TRIQK: variants seen among roughly 807,000 people sequenced by gnomAD.
TRIQK encodes triple QxxK/R motif containing, also known as triple QxxK/R motif-containing protein.
A neutral mutation model predicts 10.8 loss-of-function variants in TRIQK; 10 were observed. The observed-to-expected ratio is 0.92, with a 90% CI of 0.57 to 1.57. The LOEUF (loss-of-function observed/expected upper bound fraction) is 1.57, where lower values mean the gene tolerates loss of function less well. Ranked by LOEUF, TRIQK falls within the 40% of genes most tolerant of loss-of-function variation. The probability of loss-of-function intolerance (pLI) is 0.00; values close to 1 mark genes in which losing one functional copy is unlikely to be tolerated. For synonymous variants in TRIQK, 33 were observed against 33.7 expected (o/e 0.98, Z 0.07); for missense variants, 107 against 97.7 (o/e 1.09, Z -0.40).
At chr8:92,960,601 C>A (rs1024988328) in intron 1 of TRIQK, 1 of 152,120 alleles carries the variant, frequency 6.6e-6, no homozygotes, top group East Asian at 1.9e-4. Flanking sequence ...AAGTAGATAA[C>A]CCTTCCAGAT....
chr8:92,900,281 G>A (rs1808856043), intron 3 of TRIQK, among the ~76,000 whole-genome samples: 1 of 151,974 alleles, frequency 6.6e-6, no homozygotes, highest in African/African-American at 2.4e-5. Flanking sequence ...TTTTTGCTTT[G>A]GTTGTCTGAG....
intron 2 of TRIQK, chr8:92,922,214 C>T (rs1810227607): frequency 6.6e-6 from 1 of 151,680 alleles, no homozygotes; most frequent in African/African-American, 2.4e-5. Flanking sequence ...AAAAATAATT[C>T]TGTCAAGACA....
In TRIQK at chr8:93,002,131, A is replaced by G. The variant is rs185453612; in HGVS notation, c.-181+15478T>C. Among the ~76,000 whole-genome samples, 32 of 152,348 alleles carry G rather than the reference A, an allele frequency of 2.1e-4. No homozygotes were observed. In the East Asian group the frequency reaches 4.6e-3, roughly 22 times the overall value. ...CACAGAATACCACAAAAGCAGTTAT[A>G]TGAAGAAAGTTTCCAGCAATAAATA... On this transcript the variant is annotated intron_variant, in intron 1 of 4. Transcript: ENST00000520686.
rs576475289 is a variant in TRIQK at position 92,954,474 on chromosome 8, A to C, written c.-90T>G. ...GCTGCCAAGGGGTAAGATGTTTCCA[A>C]AGCCAAGGTCTTTAGTTAGGTAGCA... On this transcript the variant is annotated 5_prime_UTR_variant, in exon 2 of 5. Coordinates refer to ENST00000521988, the MANE Select transcript of TRIQK (RefSeq NM_001171797.2). 3 of 152,046 alleles carry C rather than the reference A, an allele frequency of 2.0e-5. No homozygotes were observed. In the South Asian group the frequency reaches 6.2e-4, roughly 31 times the overall value. The allele number at this position is 152,046 out of a possible 1,614,324, so 9.4% of individuals were successfully genotyped here.
intron 2 of TRIQK, among the ~76,000 whole-genome samples, chr8:92,925,431 C>T (rs1289565177): frequency 6.6e-6 from 1 of 151,820 alleles, no homozygotes; most frequent in Non-Finnish European, 1.5e-5. Flanking sequence ...TATCAAGACA[C>T]CAATAAGAAA....
chr8:92,995,726 T>C (rs1813146581), intron 1 of TRIQK, among the ~76,000 whole-genome samples: 1 of 152,064 alleles, frequency 6.6e-6, no homozygotes, highest in Admixed American at 6.6e-5. Flanking sequence ...TGACTCTACT[T>C]AAAGGGACTT....
At chr8:92,990,286 T>C (rs1294995120) in intron 1 of TRIQK, among the ~76,000 whole-genome samples, 1 of 152,236 alleles carries the variant, frequency 6.6e-6, no homozygotes, top group African/African-American at 2.4e-5. Context: ...CATCTGCTTT[T>C]CTAAGAATTC....
rs1255564253 is a variant in TRIQK at position 92,949,796 on chromosome 8, AAGAAAG to A, written c.-22+4604_-22+4609del. Among the ~76,000 whole-genome samples the A allele has an allele frequency of 5.4e-3, 479 of 88,814 alleles. 7 individuals carry two copies. The highest frequency in any genetic ancestry group is 0.018 in the South Asian group (52 of 2,846). 58.3% of individuals were successfully genotyped at this position (88,814 alleles called of 152,430 possible). ...GGAAAGAAAGAAAAAGAAAGAAAGA[AAGAAAG>A]AAAGAAAGAAAGAAAGAAAGAAAGA... On this transcript the variant is annotated intron_variant, in intron 2 of 4. Coordinates refer to ENST00000521988, the MANE Select transcript of TRIQK (RefSeq NM_001171797.2).
upstream of TRIQK, among the ~76,000 whole-genome samples, chr8:92,967,408 TAC>T (rs1295701961): frequency 2.6e-5 from 4 of 152,216 alleles, no homozygotes; most frequent in Non-Finnish European, 4.4e-5. Flanking sequence ...CAAATAATTT[TAC>T]ACTCTTGACC....
At chr8:92,905,154 GA>G (rs955550966) in intron 3 of TRIQK, among the ~76,000 whole-genome samples, 73 of 150,124 alleles carry the variant, frequency 4.9e-4, no homozygotes, top group Non-Finnish European at 8.2e-4. Context: ...AGCATTCATA[GA>G]AAAAAAAACT....
At chr8:92,981,069 C>G (rs1812981237) in intron 1 of TRIQK, among the ~76,000 whole-genome samples, 1 of 151,592 alleles carries the variant, frequency 6.6e-6, no homozygotes, top group Non-Finnish European at 1.5e-5. Context: ...TTGAAAATAG[C>G]TTATAATTAA....
At chr8:92,904,654 T>C (rs1242611328) in intron 3 of TRIQK, among the ~76,000 whole-genome samples, 6 of 152,174 alleles carry the variant, frequency 3.9e-5, no homozygotes, top group Non-Finnish European at 8.8e-5. Context: ...GACAGCAGTA[T>C]ACTTACAGTC....
chr8:92,918,533 T>C (rs1809988367), intron 2 of TRIQK, among the ~76,000 whole-genome samples: 1 of 152,088 alleles, frequency 6.6e-6, no homozygotes, highest in Non-Finnish European at 1.5e-5. Context: ...TTTTGAAAAA[T>C]GTCTATTCAG....
At chr8:92,975,079 C>T (rs1193076099) in intron 1 of TRIQK, among the ~76,000 whole-genome samples, 3 of 152,170 alleles carry the variant, frequency 2.0e-5, no homozygotes, top group Non-Finnish European at 4.4e-5. Flanking sequence ...TTCCAAGGAA[C>T]TCCCACAATC....
intron 3 of TRIQK, among the ~76,000 whole-genome samples, chr8:92,899,198 G>A (rs891253124): frequency 2.6e-5 from 4 of 151,588 alleles, no homozygotes; most frequent in African/African-American, 9.7e-5. Context: ...TAGCCAGGAT[G>A]GTCTCAATCT....
chr8:92,977,392 C>T (rs551842049), intron 1 of TRIQK, among the ~76,000 whole-genome samples: 2 of 151,802 alleles, frequency 1.3e-5, no homozygotes, highest in South Asian at 2.1e-4. Context: ...AATTTCAAAT[C>T]GATTTTTTTG....
intron 1 of TRIQK, among the ~76,000 whole-genome samples, chr8:92,960,194 CTATT>C (rs1266464175): frequency 6.6e-6 from 1 of 152,034 alleles, no homozygotes; most frequent in Non-Finnish European, 1.5e-5. Flanking sequence ...TCAGGAACAA[CTATT>C]TGTCTATCTA....
intron 1 of TRIQK, among the ~76,000 whole-genome samples, chr8:92,975,039 G>A (rs973782102): frequency 4.6e-5 from 7 of 152,154 alleles, no homozygotes; most frequent in Non-Finnish European, 7.3e-5. Context: ...GGCAGGCCTG[G>A]CTCTCAGGGA....
intron 3 of TRIQK, among the ~76,000 whole-genome samples, chr8:92,911,637 C>G (rs1423991076): frequency 6.6e-6 from 1 of 151,142 alleles, no homozygotes; most frequent in Non-Finnish European, 1.5e-5. Flanking sequence ...ATACTTATAT[C>G]TGACTAAGTA....
Sources: allele counts gnomAD v4.1 joint callset (sites outside exome capture counted in the v4.1 genomes callset), GRCh38; gene constraint gnomAD v4.1.1; transcripts MANE v1.5; gene names NCBI Gene and HGNC (gene_info 2026-07-23, HGNC 2026-07-21).